MAGI2: variants seen among roughly 807,000 people sequenced by gnomAD.
The protein encoded by MAGI2 is membrane associated guanylate kinase, WW and PDZ domain containing 2.
A neutral mutation model predicts 133.3 loss-of-function variants in MAGI2; 35 were observed. The observed-to-expected ratio is 0.26, with a 90% CI of 0.20 to 0.35. The LOEUF (loss-of-function observed/expected upper bound fraction) is 0.35, where lower values mean the gene tolerates loss of function less well. MAGI2 is among the 10% of genes least tolerant of loss of function. The probability of loss-of-function intolerance (pLI) is 1.00; values close to 1 mark genes in which losing one functional copy is unlikely to be tolerated. For synonymous variants in MAGI2, 729 were observed against 710.6 expected, an observed-to-expected ratio of 1.03 and a Z score of -0.41; for missense variants, 1,636 against 1,863.4, an observed-to-expected ratio of 0.88 and a Z score of 2.25.
chr7:79,420,138 C>G (rs1285124137), intron 1 of MAGI2, among the ~76,000 whole-genome samples: 1 of 152,060 alleles, frequency 6.6e-6, no homozygotes, highest in Non-Finnish European at 1.5e-5. Context: ...TGTTCTGATT[C>G]TATTGTCCTG....
intron 2 of MAGI2, among the ~76,000 whole-genome samples, chr7:78,772,165 T>C (rs555360411): frequency 6.6e-6 from 1 of 152,268 alleles, no homozygotes; most frequent in South Asian, 2.1e-4. Flanking sequence ...GTTTTTAATA[T>C]CCAGTGGAGA....
At chr7:78,114,094 A>G (rs530783548) in intron 20 of MAGI2, among the ~76,000 whole-genome samples, 143 of 152,332 alleles carry the variant, frequency 9.4e-4, no homozygotes, top group African/African-American at 3.3e-3. Context: ...TTGAGCCAGT[A>G]TTTGAATATG....
intron 9 of MAGI2, among the ~76,000 whole-genome samples, chr7:78,260,555 AT>A (rs1383207333): frequency 2.0e-5 from 3 of 152,156 alleles, no homozygotes; most frequent in Non-Finnish European, 4.4e-5. Flanking sequence ...ATTTTATCAA[AT>A]TTTTTCTCCA....
chr7:79,375,423 G>A (rs1299321104), intron 1 of MAGI2, among the ~76,000 whole-genome samples: 5 of 151,918 alleles, frequency 3.3e-5, no homozygotes, highest in African/African-American at 1.2e-4. Flanking sequence ...TCTTCCTACT[G>A]TGCATATAGT....
At chr7:79,038,825 T>A (rs1020280714) in intron 1 of MAGI2, among the ~76,000 whole-genome samples, 2 of 152,212 alleles carry the variant, frequency 1.3e-5, no homozygotes. Flanking sequence ...TGTTGCTGTG[T>A]GTGTGTCTAG....
At chr7:78,125,645 G>C (rs372143076) in intron 20 of MAGI2, 49 bp downstream of exon 20, 1 of 1,591,958 alleles carries the variant, frequency 6.3e-7, no homozygotes, top group Non-Finnish European at 8.6e-7. Context: ...TACCACAGTC[G>C]GTTTTTCTTT....
chr7:79,217,680 GT>G (rs1830125162), intron 1 of MAGI2, among the ~76,000 whole-genome samples: 1 of 151,964 alleles, frequency 6.6e-6, no homozygotes, highest in Admixed American at 6.6e-5. Flanking sequence ...CTAGACCTTT[GT>G]TTGAACAGGG....
At chr7:78,326,182 A>G (rs1313562522) in intron 9 of MAGI2, among the ~76,000 whole-genome samples, 1 of 152,218 alleles carries the variant, frequency 6.6e-6, no homozygotes, top group Non-Finnish European at 1.5e-5. Context: ...ACGTAGCCCC[A>G]GGCTCATAGT....
chr7:79,268,998 C>T (rs145483088), intron 1 of MAGI2, among the ~76,000 whole-genome samples: 280 of 152,248 alleles, frequency 1.8e-3, no homozygotes, highest in African/African-American at 6.3e-3. Flanking sequence ...CTCTTCCCCA[C>T]GTCATTCCCA....
At chr7:78,424,539 T>A (rs1380517850) in intron 6 of MAGI2, among the ~76,000 whole-genome samples, 3 of 152,088 alleles carry the variant, frequency 2.0e-5, no homozygotes, top group Admixed American at 6.5e-5. Flanking sequence ...GAATGGTAGA[T>A]TCATGAAAAC....
At chr7:78,506,026 A>G (rs570472192) in intron 4 of MAGI2, among the ~76,000 whole-genome samples, 7 of 152,300 alleles carry the variant, frequency 4.6e-5, no homozygotes, top group African/African-American at 7.2e-5. Flanking sequence ...AGATACTGCT[A>G]TGTTCTACTG....
At chr7:79,237,267 G>A (rs1230470535) in intron 1 of MAGI2, among the ~76,000 whole-genome samples, 3 of 152,074 alleles carry the variant, frequency 2.0e-5, no homozygotes, top group South Asian at 2.1e-4. Context: ...AGGCCGAGGC[G>A]GTGGATCACG....
intron 1 of MAGI2, among the ~76,000 whole-genome samples, chr7:79,383,072 A>G (rs898881855): frequency 1.3e-5 from 2 of 151,786 alleles, no homozygotes. Flanking sequence ...GTTTTTCTAC[A>G]TTTAAATTCT....
chr7:78,639,668 A>G (rs188054154), intron 2 of MAGI2, among the ~76,000 whole-genome samples: 123 of 152,304 alleles, frequency 8.1e-4, no homozygotes, highest in African/African-American at 2.8e-3. Flanking sequence ...TAACAGAAAT[A>G]TACTCGGCTA....
At chr7:79,252,156 CAAAAAAA>C (rs1208897198) in intron 1 of MAGI2, among the ~76,000 whole-genome samples, 8 of 102,598 alleles carry the variant, frequency 7.8e-5, no homozygotes, top group Non-Finnish European at 1.8e-5. Context: ...GACCCTGTCT[CAAAAAAA>C]AAAAAAAAAA....
chr7:79,319,041 T>C (rs973893256), intron 1 of MAGI2, among the ~76,000 whole-genome samples: 1 of 152,222 alleles, frequency 6.6e-6, no homozygotes, highest in African/African-American at 2.4e-5. Flanking sequence ...GAAAGGGTTC[T>C]TAAAGCGAGA....
chr7:78,682,749 A>C (rs2151098909), intron 2 of MAGI2, among the ~76,000 whole-genome samples: 1 of 152,222 alleles, frequency 6.6e-6, no homozygotes, highest in Non-Finnish European at 1.5e-5. Context: ...TAGAACCAGA[A>C]ATACCATTTG....
chr7:79,370,834 C>T (rs1000058610), intron 1 of MAGI2, among the ~76,000 whole-genome samples: 11 of 151,916 alleles, frequency 7.2e-5, no homozygotes, highest in East Asian at 1.9e-4. Context: ...AACAGAAACA[C>T]GGCACTCCCC....
At chr7:78,687,969 TAAAAAAAAAAAAAAA>T (rs72030909) in intron 2 of MAGI2, among the ~76,000 whole-genome samples, 11,761 of 67,836 alleles carry the variant, frequency 0.17, 792 homozygotes, top group Middle Eastern at 0.29. Context: ...GTCCTTGCCT[TAAAAAAAAAAAAAAA>T]AAAAAAAAAA....
Sources: allele counts gnomAD v4.1 joint callset (sites outside exome capture counted in the v4.1 genomes callset), GRCh38; gene constraint gnomAD v4.1.1; transcripts MANE v1.5; gene names NCBI Gene and HGNC (gene_info 2026-07-23, HGNC 2026-07-21).